The following DNAH11 variants were observed in gnomAD, a reference collection of about 807,000 sequenced individuals.
DNAH11 encodes axonemal beta dynein heavy chain 11.
In DNAH11, 442 loss-of-function variants were observed where a neutral mutation model predicts 526.0. That is an observed-to-expected ratio of 0.84 (90% CI 0.78 to 0.91). The LOEUF (loss-of-function observed/expected upper bound fraction) is 0.91. DNAH11 is among the 40% of genes least tolerant of loss of function. The pLI is 0.00. For missense variants in DNAH11, 6,989 were observed against 5,448.7 expected, an observed-to-expected ratio of 1.28 and a Z score of -8.90; for synonymous variants, 2,461 against 1,935.9, an observed-to-expected ratio of 1.27 and a Z score of -7.12.
intron 35 of DNAH11, among the ~76,000 whole-genome samples, chr7:21,691,716 TATC>T (rs1783639355): frequency 6.6e-6 from 1 of 152,240 alleles, no homozygotes; most frequent in African/African-American, 2.4e-5. Flanking sequence ...TGACATATTT[TATC>T]ATATTATTAA....
In DNAH11 at chr7:21,581,998, A is replaced by T. The variant is rs777311249; in HGVS notation, c.1687A>T (p.Asn563Tyr). The change falls in exon 9 of 82, where the codon AAT (asparagine) becomes TAT (tyrosine). Residue 563 changes from asparagine to tyrosine, a missense_variant. By Grantham distance (143) the Asn-to-Tyr change is moderately radical. Coordinates refer to ENST00000409508, the MANE Select transcript of DNAH11 (RefSeq NM_001277115.2). ...TATTTGTGAAGCTTTCTTTAACTGC[A>T]ATGGCTTAGAAGCTGCATTTAAGGT... Reference protein sequence around the residue: ...TIICEAFFNCNGLEAAFKLLT... With the variant: ...TIICEAFFNCYGLEAAFKLLT... 7 of 1,612,222 alleles carry T rather than the reference A, an allele frequency of 4.3e-6. No homozygotes were observed. The highest frequency in any genetic ancestry group is 5.9e-6 in the Non-Finnish European group (7 of 1,178,500).
intron 43 of DNAH11, among the ~76,000 whole-genome samples, 184 bp downstream of exon 43, chr7:21,718,109 T>A (rs1226344253): frequency 6.8e-6 from 1 of 145,994 alleles, no homozygotes; most frequent in East Asian, 2.3e-4. Context: ...CAAACCTCTA[T>A]CACATTCTGT....
At chr7:21,873,577 C>A in intron 74 of DNAH11, 76 bp downstream of exon 74, 3 of 1,417,956 alleles carry the variant, frequency 2.1e-6, no homozygotes, top group Non-Finnish European at 3.0e-6. Flanking sequence ...AGAATCAACC[C>A]AGGCATGTCA....
rs374176081 is a variant in DNAH11, at chr7:21,561,129, A to G, written c.941A>G (p.Tyr314Cys). Residue 314 changes from tyrosine to cysteine, a missense_variant, in exon 5 of 82, where the codon TAT becomes TGT. Tyr to Cys is a radical substitution (Grantham distance 194). Coordinates refer to ENST00000409508, the MANE Select transcript of DNAH11 (RefSeq NM_001277115.2). The stretch of plus-strand genomic sequence containing the variant: ...ATCCTGACAACTAAACAAAGCAGCT[A>G]TTTTCCTACTCTGAAGGACATTTTT... ...VKILTTKQSSYFPTLKDIFLA... is the reference protein window; with the variant it reads ...VKILTTKQSSCFPTLKDIFLA... The G allele has an allele frequency of 3.9e-5, 62 of 1,603,814 alleles. No homozygotes were observed. The highest frequency in any genetic ancestry group is 5.1e-5 in the Non-Finnish European group (60 of 1,174,948).
At chr7:21,831,262 A>AT (rs1790538899) in intron 65 of DNAH11, among the ~76,000 whole-genome samples, 1 of 152,202 alleles carries the variant, frequency 6.6e-6, no homozygotes, top group African/African-American at 2.4e-5. Context: ...CTCTGGATTC[A>AT]TGTCTTTCAC....
At chr7:21,867,002 G>A (rs759395089) in intron 71 of DNAH11, among the ~76,000 whole-genome samples, 3 of 152,164 alleles carry the variant, frequency 2.0e-5, no homozygotes, top group African/African-American at 4.8e-5. Flanking sequence ...AATTTCCATC[G>A]TTTTCTTTCA....
chr7:21,734,552 A>G (rs1785522476), intron 45 of DNAH11, among the ~76,000 whole-genome samples: 2 of 152,220 alleles, frequency 1.3e-5, no homozygotes, highest in African/African-American at 4.8e-5. Flanking sequence ...ATGATCTAGA[A>G]TTGTGTATAA....
Position 21,558,933 on chromosome 7 carries a change from A to T in DNAH11, c.627A>T (p.Arg209Ser). 6.3e-7 allele frequency: 1 copy of T among 1,597,798 alleles called. No individual in the cohort carries two copies. The highest frequency in any genetic ancestry group is 1.7e-5 in the Admixed American group (1 of 57,700). ...MYIFRGKMSR[R>S]TLLPIPTVAG... ...TTTTTAGGGGCAAAATGTCTAGAAGAACTCTTCTACCAATTCCCACTGTTG... is the reference window on the plus strand; with the variant it reads ...TTTTTAGGGGCAAAATGTCTAGAAGTACTCTTCTACCAATTCCCACTGTTG... Residue 209 changes from arginine to serine, a missense_variant, in exon 3 of 82, where the codon AGA (arginine) becomes AGT (serine). Transcript: ENST00000409508.
intron 9 of DNAH11, among the ~76,000 whole-genome samples, chr7:21,586,420 G>A (rs77670524): frequency 0.01 from 1,533 of 152,276 alleles, 46 homozygotes; most frequent in South Asian, 0.068. Flanking sequence ...AGGTAGCCCC[G>A]AGTAGTAGAT....
chr7:21,688,843 T>C (rs1353759123), intron 34 of DNAH11, among the ~76,000 whole-genome samples: 3 of 152,198 alleles, frequency 2.0e-5, no homozygotes, highest in Non-Finnish European at 4.4e-5. Flanking sequence ...TAAATTAGTA[T>C]AGTATGCAGC....
chr7:21,687,200 G>T lies in DNAH11; in HGVS notation c.5723G>T (p.Arg1908Leu). 2 of 1,609,688 alleles carry T rather than the reference G, an allele frequency of 1.2e-6. No homozygotes were observed. The highest frequency in any genetic ancestry group is 1.1e-5 in the South Asian group (1 of 90,074). The part of the protein sequence containing the change: ...GKTETTKDLG[R>L]ALGMMVYVFN... ...ACAGAGACCACCAAAGACCTAGGAC[G>T]TGCCCTTGGCATGATGGTCTATGTA... The change falls in exon 33 of 82, where the codon CGT (arginine) becomes CTT (leucine). Residue 1908 changes from arginine to leucine, a missense_variant. Arg to Leu is a moderately radical substitution (Grantham distance 102). Transcript: ENST00000409508.
rs1784368855 is a variant in DNAH11 at position 21,892,686 on chromosome 7, C to G, written c.12750+19C>G. On this transcript the variant is annotated intron_variant, in intron 77 of 81. Coordinates refer to ENST00000409508, the MANE Select transcript of DNAH11 (RefSeq NM_001277115.2). ...AGAAAAGGTAGAGGGTCTTTCCTTC[C>G]TTTTCTTTTTCATTGAAGTATAACT... 1.9e-6 allele frequency: 3 copies of G among 1,559,654 alleles called. No homozygotes were observed. Among genetic ancestry groups the G allele is most frequent in the Middle Eastern group, 1.7e-4 (1 of 5,890 alleles).
chr7:21,596,206 A>G (rs1784854744), intron 14 of DNAH11, among the ~76,000 whole-genome samples: 1 of 152,182 alleles, frequency 6.6e-6, no homozygotes, highest in East Asian at 1.9e-4. Context: ...ATAGCGTCCC[A>G]AGGCTGCCAT....
intron 30 of DNAH11, among the ~76,000 whole-genome samples, chr7:21,665,652 C>A (rs1163964688): frequency 1.3e-5 from 2 of 152,012 alleles, no homozygotes; most frequent in Non-Finnish European, 2.9e-5. Flanking sequence ...AAAAGTTTTC[C>A]ACTTTGTTCT....
chr7:21,765,728 T>G lies in DNAH11; in HGVS notation c.9102+139T>G, dbSNP rs140545477. The stretch of plus-strand genomic sequence containing the variant: ...CTATCAGAAAGCTATCCTGATTTGT[T>G]TAAGATGCTAAACTTATCTGTTAGT... On this transcript the variant is annotated intron_variant, in intron 55 of 81. Transcript: ENST00000409508. 2.8e-3 allele frequency: 3,404 copies of G among 1,220,766 alleles called. 11 individuals are homozygous for G. The highest frequency in any genetic ancestry group is 4.9e-3 in the Middle Eastern group (17 of 3,436). The allele number at this position is 1,220,766 out of a possible 1,614,324, so 75.6% of individuals were successfully genotyped here.
intron 49 of DNAH11, 97 bp from the exon 50 acceptor site, chr7:21,744,341 T>A (rs944917624): frequency 2.4e-5 from 31 of 1,300,722 alleles, no homozygotes; most frequent in Non-Finnish European, 3.0e-5. Context: ...CTTTTAACCA[T>A]TTGCTAAGTT....
chr7:21,725,726 T>C, intron 44 of DNAH11, 85 bp from the exon 45 acceptor site: 1 of 1,374,856 alleles, frequency 7.3e-7, no homozygotes, highest in Non-Finnish European at 1.0e-6. Context: ...TCTACCCCTA[T>C]GATATTGTTA....
In DNAH11 at chr7:21,739,605, C is replaced by G. The variant is rs1785782802; in HGVS notation, c.7846C>G (p.His2616Asp). 6.2e-7 allele frequency: 1 copy of G among 1,612,440 alleles called. No individual in the cohort carries two copies. Among genetic ancestry groups the G allele is most frequent in the South Asian group, 1.1e-5 (1 of 90,564 alleles). The change falls in exon 48 of 82, where the codon CAT becomes GAT. Residue 2616 changes from histidine to aspartate, a missense_variant. By Grantham distance (81) the His-to-Asp change is moderately conservative. Coordinates refer to ENST00000409508, the MANE Select transcript of DNAH11 (RefSeq NM_001277115.2). The stretch of plus-strand genomic sequence containing the variant: ...ACAGAAGGTGATGCTTAAAGAAATC[C>G]ATAACTGCCAGTATGTCGCCTGCAT... ...DRQKVMLKEI[H>D]NCQYVACMNP...
chr7:21,719,205 G>A (rs1164790085), intron 43 of DNAH11, among the ~76,000 whole-genome samples: 1 of 152,170 alleles, frequency 6.6e-6, no homozygotes, highest in African/African-American at 2.4e-5. Flanking sequence ...TTGTTTTATA[G>A]AGTAATTTCT....
Sources: gnomAD v4.1 joint callset for allele counts (sites outside exome capture counted in the v4.1 genomes callset) on GRCh38, gnomAD v4.1.1 for gene constraint, MANE v1.5 for transcripts, NCBI Gene and HGNC (gene_info 2026-07-23, HGNC 2026-07-21) for gene names.